The following CFDP1 variants were observed in gnomAD, a reference collection of about 807,000 sequenced individuals.
CFDP1 encodes heterochromatin-stabilizing protein CFDP1.
A neutral mutation model predicts 40.1 loss-of-function variants in CFDP1; 31 were observed. The observed-to-expected ratio is 0.77, with a 90% CI of 0.58 to 1.04. The LOEUF (loss-of-function observed/expected upper bound fraction) is 1.04, where lower values mean the gene tolerates loss of function less well. CFDP1 is among the 50% of genes least tolerant of loss of function. CFDP1 has a pLI of 0.00. For synonymous variants in CFDP1, 167 were observed against 120.0 expected, an observed-to-expected ratio of 1.39 and a Z score of -2.56; for missense variants, 423 against 343.4, an observed-to-expected ratio of 1.23 and a Z score of -1.83.
chr16:75,306,877 TCACACACACACACACACA>T (rs59846343), intron 5 of CFDP1, among the ~76,000 whole-genome samples: 3 of 135,566 alleles, frequency 2.2e-5, no homozygotes, highest in African/African-American at 9.1e-5. Flanking sequence ...GTGCGCGTGA[TCACACACACACACACACA>T]CACACACGCA....
intron 6 of CFDP1, among the ~76,000 whole-genome samples, chr16:75,302,683 A>G (rs1454132221): frequency 6.6e-6 from 1 of 152,232 alleles, no homozygotes; most frequent in Non-Finnish European, 1.5e-5. Flanking sequence ...TCACTGTGCA[A>G]GAGTGGAGAA....
intron 5 of CFDP1, chr16:75,321,885 G>A (rs1281220689): frequency 2.6e-5 from 4 of 152,168 alleles, no homozygotes; most frequent in Non-Finnish European, 5.9e-5. Context: ...GTGCAGTCGT[G>A]CGATCTTGGC....
chr16:75,405,186 C>T (rs1319055445), intron 4 of CFDP1, among the ~76,000 whole-genome samples: 6 of 152,192 alleles, frequency 3.9e-5, no homozygotes, highest in African/African-American at 1.4e-4. Context: ...TATGAATTAT[C>T]AGTCACACGC....
At chr16:75,427,924 A>G (rs1246461905) in intron 1 of CFDP1, among the ~76,000 whole-genome samples, 1 of 152,260 alleles carries the variant, frequency 6.6e-6, no homozygotes, top group African/African-American at 2.4e-5. Context: ...AATTACTGAC[A>G]TGTGCAACAA....
intron 5 of CFDP1, among the ~76,000 whole-genome samples, chr16:75,371,593 G>C (rs1281414122): frequency 1.3e-5 from 2 of 152,222 alleles, no homozygotes; most frequent in East Asian, 3.9e-4. Flanking sequence ...CTAAAAACAG[G>C]TTTATATATT....
chr16:75,381,950 C>T (rs1310140404), intron 5 of CFDP1, among the ~76,000 whole-genome samples: 7 of 151,934 alleles, frequency 4.6e-5, no homozygotes, highest in Non-Finnish European at 4.4e-5. Context: ...AGGTAGCAGT[C>T]GAAAGCTCAG....
At chr16:75,347,406 G>A (rs11860208) in intron 5 of CFDP1, among the ~76,000 whole-genome samples, 2,324 of 145,320 alleles carry the variant, frequency 0.016, 59 homozygotes, top group African/African-American at 0.054. Flanking sequence ...AAAAGCAGGC[G>A]CAGTGGCTCA....
chr16:75,304,790 GC>G (rs139706515), intron 6 of CFDP1, among the ~76,000 whole-genome samples: 235 of 152,282 alleles, frequency 1.5e-3, no homozygotes, highest in African/African-American at 5.5e-3. Context: ...GATGTGACTG[GC>G]CCCTGAGAGT....
intron 5 of CFDP1, among the ~76,000 whole-genome samples, chr16:75,355,343 G>C (rs962912259): frequency 6.6e-6 from 1 of 152,186 alleles, no homozygotes; most frequent in African/African-American, 2.4e-5. Flanking sequence ...TTTACCCAGA[G>C]TAAAACTTAT....
intron 6 of CFDP1, among the ~76,000 whole-genome samples, chr16:75,296,367 A>G (rs2078182078): frequency 6.6e-6 from 1 of 152,074 alleles, no homozygotes; most frequent in African/African-American, 2.4e-5. Context: ...CCTCTCAGGT[A>G]GCTGGGACCA....
At chr16:75,324,148 A>G (rs1018436141) in intron 5 of CFDP1, among the ~76,000 whole-genome samples, 5 of 152,178 alleles carry the variant, frequency 3.3e-5, no homozygotes, top group Non-Finnish European at 7.3e-5. Flanking sequence ...CAAACAAGCA[A>G]TTACATTAGG....
At chr16:75,401,428 CAAA>C (rs35178768) in intron 4 of CFDP1, among the ~76,000 whole-genome samples, 4 of 92,452 alleles carry the variant, frequency 4.3e-5, no homozygotes, top group Admixed American at 1.4e-4. Flanking sequence ...GACTCCGTCT[CAAA>C]AAAAAAAAAA....
At position 75,412,667 on chromosome 16, in the gene CFDP1, T is replaced by C. The variant is rs370354614; in HGVS notation, c.270A>G (p.Glu90=). 112 of 1,614,164 alleles carry C rather than the reference T, an allele frequency of 6.9e-5. No individual in the cohort carries two copies. In the East Asian group the frequency reaches 1.7e-3, roughly 24 times the overall value. ...SESEGSSSEE[E]DDAAEQEKGI... Reference sequence around the variant, plus strand: ...CTTTTTCCTGCTCTGCAGCGTCATCTTCCTCCTCACTACTGCTTCCCTCAG... The same window carrying C: ...CTTTTTCCTGCTCTGCAGCGTCATCCTCCTCCTCACTACTGCTTCCCTCAG... The change falls in exon 3 of 7, where the codon GAA becomes GAG. Residue 90 remains glutamate (E), a synonymous_variant. Coordinates refer to ENST00000283882, the MANE Select transcript of CFDP1 (RefSeq NM_006324.3).
At chr16:75,414,545 C>A in intron 2 of CFDP1, 33 bp downstream of exon 2, 3 of 1,313,270 alleles carry the variant, frequency 2.3e-6, no homozygotes, top group East Asian at 4.6e-5. Flanking sequence ...GACAATAGCC[C>A]CTAACTTCTA....
chr16:75,413,856 A>G (rs888036966), intron 2 of CFDP1, among the ~76,000 whole-genome samples: 3 of 152,200 alleles, frequency 2.0e-5, no homozygotes, highest in African/African-American at 7.2e-5. Flanking sequence ...ATGGGCTAAT[A>G]TCTGTATTTT....
chr16:75,419,055 A>T, intron 1 of CFDP1: 1 of 419,784 alleles, frequency 2.4e-6, no homozygotes, highest in South Asian at 1.7e-5. Flanking sequence ...AGGCAGGAGG[A>T]TCACTTGAGC....
At chr16:75,330,156 T>C (rs2078434867) in intron 5 of CFDP1, among the ~76,000 whole-genome samples, 1 of 152,198 alleles carries the variant, frequency 6.6e-6, no homozygotes. Context: ...GCTCCTGATA[T>C]TCCTCAATGA....
intron 5 of CFDP1, among the ~76,000 whole-genome samples, chr16:75,311,109 T>TA (rs775316556): frequency 6.6e-6 from 1 of 152,208 alleles, no homozygotes; most frequent in African/African-American, 2.4e-5. Flanking sequence ...AAGGGATGTT[T>TA]AGTCCAACCT....
intron 5 of CFDP1, among the ~76,000 whole-genome samples, chr16:75,364,077 G>C (rs565346362): frequency 1.3e-5 from 2 of 151,698 alleles, no homozygotes; most frequent in Admixed American, 6.6e-5. Context: ...TGTCCTCTGA[G>C]GTACTTCTCC....
Sources: gnomAD v4.1 joint callset for allele counts (sites outside exome capture counted in the v4.1 genomes callset) on GRCh38, gnomAD v4.1.1 for gene constraint, MANE v1.5 for transcripts, NCBI Gene and HGNC (gene_info 2026-07-23, HGNC 2026-07-21) for gene names.